The following MYO5B variants were observed in gnomAD, a reference collection of about 807,000 sequenced individuals.
MYO5B encodes myosin VB, also known as unconventional myosin-Vb.
A neutral mutation model predicts 229.3 loss-of-function variants in MYO5B; 143 were observed. The ratio of observed to expected loss-of-function variants is 0.62; its 90% CI spans 0.54 to 0.72. The LOEUF (loss-of-function observed/expected upper bound fraction) is 0.72. Among genes scored for constraint, MYO5B ranks in the 30% least tolerant of loss-of-function variants. The pLI is 0.00. For missense variants in MYO5B, 2,321 were observed against 2,331.0 expected (o/e 1.00, Z 0.09); for synonymous variants, 918 against 885.2 (o/e 1.04, Z -0.66).
Position 50,038,305 on chromosome 18 carries a change from C to T in MYO5B, c.311-1311G>A, listed in dbSNP as rs565847542. Among the ~76,000 whole-genome samples the T allele has an allele frequency of 2.6e-5, 4 of 152,300 alleles. No homozygotes were observed. The South Asian group carries it at 8.3e-4, about 32-fold the overall frequency. On this transcript the variant is annotated intron_variant, in intron 3 of 39. Transcript: ENST00000285039. ...GACTGCTAAGATGGGAAGTCTCCGACATTGTGTTCCCTTCTGGTGTCTGAA... is the reference window on the plus strand; with the variant it reads ...GACTGCTAAGATGGGAAGTCTCCGATATTGTGTTCCCTTCTGGTGTCTGAA...
chr18:50,081,637 C>T (rs770039280), intron 1 of MYO5B, among the ~76,000 whole-genome samples: 2 of 152,216 alleles, frequency 1.3e-5, no homozygotes, highest in Non-Finnish European at 2.9e-5. Flanking sequence ...GTAAATAAAT[C>T]AGGTGTCCTG....
chr18:49,897,752 T>C (rs768633627), intron 21 of MYO5B, among the ~76,000 whole-genome samples: 1 of 152,210 alleles, frequency 6.6e-6, no homozygotes, highest in Non-Finnish European at 1.5e-5. Context: ...AAAAGCAATT[T>C]TCTAGTAAGC....
chr18:50,128,749 C>G (rs1334335026), intron 1 of MYO5B, among the ~76,000 whole-genome samples: 1 of 152,168 alleles, frequency 6.6e-6, no homozygotes, highest in African/African-American at 2.4e-5. Flanking sequence ...GTCACTCAAG[C>G]CCTCCGGGTC....
intron 27 of MYO5B, among the ~76,000 whole-genome samples, chr18:49,864,714 G>A (rs1210345854): frequency 6.6e-6 from 1 of 152,242 alleles, no homozygotes; most frequent in Non-Finnish European, 1.5e-5. Context: ...ATGACATATA[G>A]TAAACATAAG....
In MYO5B at chr18:50,115,523, A is replaced by AACACACAC. The variant is rs111340318; in HGVS notation, c.28-60153_28-60146dup. Among the ~76,000 whole-genome samples, 6 of 144,808 alleles carry AACACACAC rather than the reference A, an allele frequency of 4.1e-5. No homozygotes were observed. In the South Asian group the frequency reaches 1.1e-3, roughly 27 times the overall value. The allele number at this position is 144,808 out of a possible 152,430, so 95.0% of individuals were successfully genotyped here. A position where few individuals can be genotyped will look rare whatever the true frequency, so the allele number is the denominator to read the frequency against. On this transcript the variant is annotated intron_variant, in intron 1 of 39. Coordinates refer to ENST00000285039, the MANE Select transcript of MYO5B (RefSeq NM_001080467.3). ...TTGGTGGCCAGACAAAAATAAATAAAACACACACACACACACACAGAGAGA... is the reference window on the plus strand; with the variant it reads ...TTGGTGGCCAGACAAAAATAAATAAAACACACACACACACACACACACACACAGAGAGA...
chr18:49,843,317 G>A lies in MYO5B; in HGVS notation c.4535C>T (p.Ala1512Val), dbSNP rs778610471. ...CTTGAGATCGTCGTTGGTGTAGTCC[G>A]CGTGCCGGATGCACATGTAGAGGAT... ...AYILYMCIRH[A>V]DYTNDDLKVH... The change falls in exon 34 of 40, where the codon GCG becomes GTG. Residue 1512 changes from alanine (A) to valine (V), a missense_variant. Transcript: ENST00000285039. The A allele has an allele frequency of 1.2e-5, 19 of 1,613,996 alleles. No individual in the cohort carries two copies. The highest frequency in any genetic ancestry group is 5.0e-5 in the Admixed American group (3 of 59,992).
chr18:50,023,565 T>G lies in MYO5B; in HGVS notation c.455+13285A>C, dbSNP rs535266329. Among the ~76,000 whole-genome samples, 7 of 152,306 alleles carry G rather than the reference T, an allele frequency of 4.6e-5. No individual in the cohort carries two copies. In the South Asian group the frequency reaches 1.5e-3, roughly 32 times the overall value. Reference sequence around the variant, plus strand: ...TCCTGGCTCAATTACGGAAGCCACATTTTGTGAGATACTTAGAAAAATTGA... The same window carrying G: ...TCCTGGCTCAATTACGGAAGCCACAGTTTGTGAGATACTTAGAAAAATTGA... On this transcript the variant is annotated intron_variant, in intron 4 of 39. Transcript: ENST00000285039.
chr18:50,002,035 C>CAAAAAAAAAA, intron 4 of MYO5B, among the ~76,000 whole-genome samples: 1 of 129,366 alleles, frequency 7.7e-6, no homozygotes, highest in Non-Finnish European at 1.6e-5. Flanking sequence ...AACTCCGTCT[C>CAAAAAAAAAA]AAAAAAAAAA....
intron 1 of MYO5B, among the ~76,000 whole-genome samples, chr18:50,088,497 G>T (rs1197472189): frequency 6.6e-6 from 1 of 152,126 alleles, no homozygotes; most frequent in Non-Finnish European, 1.5e-5. Flanking sequence ...AACAATAATT[G>T]TGTTCCTCTT....
chr18:50,193,056 G>A lies in MYO5B; in HGVS notation c.27+1711C>T, dbSNP rs572407056. 3.3e-5 allele frequency among the ~76,000 whole-genome samples: 5 copies of A among 152,322 alleles called. No homozygotes were observed. The East Asian group carries it at 9.7e-4, about 29-fold the overall frequency. ...AAGTTGTATCTCCATGCACTTTAAT[G>A]TAACAAAGCTTCGGCTCTTTGAGCA... On this transcript the variant is annotated intron_variant, in intron 1 of 39. Transcript: ENST00000285039.
chr18:49,885,361 G>A (rs1473050560), intron 22 of MYO5B, among the ~76,000 whole-genome samples: 3 of 152,146 alleles, frequency 2.0e-5, no homozygotes, highest in African/African-American at 7.2e-5. Context: ...TGACTACTGG[G>A]ATTGCAACCT....
At chr18:49,967,074 G>A (rs1475770732) in intron 10 of MYO5B, among the ~76,000 whole-genome samples, 7 of 152,176 alleles carry the variant, frequency 4.6e-5, no homozygotes, top group African/African-American at 1.7e-4. Flanking sequence ...AATCAGTGTT[G>A]AAAATATTTA....
At chr18:49,930,237 C>T (rs567120136) in intron 16 of MYO5B, among the ~76,000 whole-genome samples, 32 of 152,278 alleles carry the variant, frequency 2.1e-4, no homozygotes, top group East Asian at 5.8e-4. Context: ...CCTAGCACTG[C>T]GTAGGGCACA....
At chr18:49,953,183 G>A (rs1598907742) in intron 14 of MYO5B, 77 bp downstream of exon 14, 2 of 1,334,460 alleles carry the variant, frequency 1.5e-6, no homozygotes, top group Admixed American at 1.7e-5. Context: ...CCACCCCAAG[G>A]AGGTTGCATC....
At chr18:50,048,091 TAATAATAATAATA>T (rs1005596585) in intron 2 of MYO5B, among the ~76,000 whole-genome samples, 1 of 147,912 alleles carries the variant, frequency 6.8e-6, no homozygotes, top group African/African-American at 2.5e-5. Context: ...AGTATAATAA[TAATAATAATAATA>T]AAGTGTACAA....
In MYO5B at chr18:49,826,459, A is replaced by T; in HGVS notation, c.*12T>A. ...ACATTGGGAATCAAACTAATGCTGG[A>T]AACATGCATCTTCAGACTTCATTGA... On this transcript the variant is annotated 3_prime_UTR_variant, in exon 40 of 40. Transcript: ENST00000285039. 1 of 1,613,768 alleles carries T rather than the reference A, an allele frequency of 6.2e-7. No homozygotes were observed.
At chr18:49,967,465 C>T (rs1305641534) in intron 10 of MYO5B, among the ~76,000 whole-genome samples, 21 of 152,216 alleles carry the variant, frequency 1.4e-4, no homozygotes, top group Non-Finnish European at 1.5e-5. Context: ...TCTCCTAGCT[C>T]AGCCTGGTCT....
chr18:49,969,491 A>C (rs1371008026), intron 10 of MYO5B, among the ~76,000 whole-genome samples: 2 of 152,236 alleles, frequency 1.3e-5, no homozygotes, highest in Non-Finnish European at 2.9e-5. Context: ...CAACTTGTAA[A>C]TGAATATGTA....
intron 4 of MYO5B, among the ~76,000 whole-genome samples, chr18:50,022,007 C>T (rs1438911938): frequency 6.6e-6 from 1 of 152,158 alleles, no homozygotes; most frequent in East Asian, 1.9e-4. Flanking sequence ...ACTTGGATGT[C>T]AGAAGCAGGG....
Sources: allele counts gnomAD v4.1 joint callset (sites outside exome capture counted in the v4.1 genomes callset), GRCh38; gene constraint gnomAD v4.1.1; transcripts MANE v1.5; gene names NCBI Gene and HGNC (gene_info 2026-07-23, HGNC 2026-07-21).